LNP1: variants seen among roughly 807,000 people sequenced by gnomAD.
The protein encoded by LNP1 is leukemia NUP98 fusion partner 1.
LNP1 carries 12 observed loss-of-function variants against 14.5 expected under a neutral mutation model. The observed-to-expected ratio is 0.83, with a 90% CI of 0.53 to 1.34. LNP1 has a LOEUF of 1.34. Among genes scored for constraint, LNP1 ranks in the 40% most tolerant of loss-of-function variants. The pLI is 0.00. For missense variants in LNP1, 198 were observed against 210.9 expected, an observed-to-expected ratio of 0.94 and a Z score of 0.38; for synonymous variants, 75 against 71.4, an observed-to-expected ratio of 1.05 and a Z score of -0.26.
At chr3:100,451,658 C>CCTCT in intron 2 of LNP1, 61 bp from the exon 3 acceptor site, 1 of 537,370 alleles carries the variant, frequency 1.9e-6, no homozygotes, top group East Asian at 6.2e-5. Context: ...AAACATTCTG[C>CCTCT]CTCTGTGCTA....
chr3:100,426,460 T>C (rs186092201), intron 1 of LNP1, among the ~76,000 whole-genome samples: 41 of 152,294 alleles, frequency 2.7e-4, no homozygotes, highest in Non-Finnish European at 5.3e-4. Context: ...ACGGCTTTGT[T>C]CCAAGTCCAA....
chr3:100,415,769 C>G (rs1012575930), intron 1 of LNP1, among the ~76,000 whole-genome samples: 1 of 152,032 alleles, frequency 6.6e-6, no homozygotes, highest in Admixed American at 6.6e-5. Context: ...AAGATAACAC[C>G]CTTGATGTTA....
intron 2 of LNP1, among the ~76,000 whole-genome samples, chr3:100,443,547 T>A (rs142737838): frequency 6.6e-5 from 10 of 152,332 alleles, no homozygotes; most frequent in African/African-American, 2.2e-4. Flanking sequence ...CCTCTCCTCT[T>A]GAGGTTCTAA....
intron 2 of LNP1, among the ~76,000 whole-genome samples, chr3:100,439,119 C>G (rs1043678272): frequency 6.6e-6 from 1 of 152,050 alleles, no homozygotes; most frequent in Non-Finnish European, 1.5e-5. Context: ...ACACACTTTA[C>G]GTTGTGATCA....
At chr3:100,438,971 A>T (rs1465664859) in intron 2 of LNP1, among the ~76,000 whole-genome samples, 1 of 151,784 alleles carries the variant, frequency 6.6e-6, no homozygotes, top group Non-Finnish European at 1.5e-5. Context: ...GAGCTCGCAT[A>T]GCAAGTAAAC....
chr3:100,417,784 G>A (rs1254274425), intron 1 of LNP1, among the ~76,000 whole-genome samples: 2 of 151,440 alleles, frequency 1.3e-5, no homozygotes, highest in East Asian at 1.9e-4. Context: ...TTTCTTTTTC[G>A]GGGAGTTCAT....
intron 1 of LNP1, among the ~76,000 whole-genome samples, chr3:100,404,559 T>C (rs1706945265): frequency 6.6e-6 from 1 of 152,224 alleles, no homozygotes; most frequent in African/African-American, 2.4e-5. Flanking sequence ...TATTAGAATA[T>C]GTCTTCTTCT....
chr3:100,455,954 A>C lies in LNP1; in HGVS notation c.*28A>C, dbSNP rs777573745. 6.3e-7 allele frequency: 1 copy of C among 1,585,202 alleles called. No individual in the cohort carries two copies. Among genetic ancestry groups the C allele is most frequent in the South Asian group, 1.2e-5 (1 of 86,330 alleles). On this transcript the variant is annotated 3_prime_UTR_variant, in exon 4 of 4. Coordinates refer to ENST00000383693, the MANE Select transcript of LNP1 (RefSeq NM_001085451.2). ...CTCTGCTTCTGCCTCATGACATCAG[A>C]TGCTACTGTTTTGGTTTTTTTCTTT...
chr3:100,427,300 G>T (rs183857440), intron 1 of LNP1, among the ~76,000 whole-genome samples: 95 of 152,200 alleles, frequency 6.2e-4, no homozygotes, highest in Admixed American at 6.1e-3. Flanking sequence ...TCATCTAGAG[G>T]AGAGAACAAA....
chr3:100,426,449 A>T (rs1047272382), intron 1 of LNP1, among the ~76,000 whole-genome samples: 1 of 152,238 alleles, frequency 6.6e-6, no homozygotes. Context: ...TACAGGGCCA[A>T]ACGGCTTTGT....
chr3:100,455,674 T>G, intron 3 of LNP1, 103 bp from the exon 4 acceptor site: 1 of 1,109,078 alleles, frequency 9.0e-7, no homozygotes, highest in East Asian at 2.4e-5. Context: ...GGTGGAAGTC[T>G]GCTAAACCAT....
chr3:100,422,182 CTTTTTTT>C (rs35862297), intron 1 of LNP1, among the ~76,000 whole-genome samples: 1 of 101,614 alleles, frequency 9.8e-6, no homozygotes, highest in Non-Finnish European at 1.9e-5. Context: ...TTGATAAAGT[CTTTTTTT>C]TTTTTTTTTT....
At chr3:100,448,291 AACAAAG>A (rs1707407383) in intron 2 of LNP1, among the ~76,000 whole-genome samples, 1 of 152,202 alleles carries the variant, frequency 6.6e-6, no homozygotes, top group Non-Finnish European at 1.5e-5. Flanking sequence ...TTTACTTTGA[AACAAAG>A]ACAATAACAG....
chr3:100,411,780 A>G (rs1707033987), intron 1 of LNP1, among the ~76,000 whole-genome samples: 2 of 152,006 alleles, frequency 1.3e-5, no homozygotes, highest in African/African-American at 4.8e-5. Context: ...CCAAGGCCCC[A>G]CCCTCATAAT....
At chr3:100,434,093 G>C (rs940709845) in intron 2 of LNP1, among the ~76,000 whole-genome samples, 2 of 152,036 alleles carry the variant, frequency 1.3e-5, no homozygotes, top group Admixed American at 6.6e-5. Context: ...GTCAATTTTG[G>C]CTTCTGTTGC....
In LNP1 at chr3:100,451,916, A is replaced by G. The variant is rs1359109475; in HGVS notation, c.354A>G (p.Gln118=). 2 of 1,613,934 alleles carry G rather than the reference A, an allele frequency of 1.2e-6. No individual in the cohort carries two copies. Among genetic ancestry groups the G allele is most frequent in the Admixed American group, 1.7e-5 (1 of 60,012 alleles). Residue 118 remains glutamine (Q), a synonymous_variant, in exon 3 of 4, where the codon CAA becomes CAG. Transcript: ENST00000383693. The part of the protein sequence containing the change: ...IEKFSESFER[Q]LCFRTKRSAS... Reference sequence around the variant, plus strand: ...AATTTTCAGAGTCCTTTGAACGGCAACTGTGCTTTAGAACCAAGCGTTCTG... The same window carrying G: ...AATTTTCAGAGTCCTTTGAACGGCAGCTGTGCTTTAGAACCAAGCGTTCTG...
intron 1 of LNP1, among the ~76,000 whole-genome samples, chr3:100,422,385 G>C (rs973354991): frequency 6.6e-6 from 1 of 151,912 alleles, no homozygotes; most frequent in African/African-American, 2.4e-5. Context: ...GGGTTTCACT[G>C]TGTTAGCCAG....
At chr3:100,409,606 A>ATATATAT (rs1429906485) in intron 1 of LNP1, among the ~76,000 whole-genome samples, 29 of 124,430 alleles carry the variant, frequency 2.3e-4, no homozygotes, top group African/African-American at 9.3e-4. Context: ...ATATATATAT[A>ATATATAT]TTTTTTTTTT....
chr3:100,408,417 G>A (rs1123578), intron 1 of LNP1, among the ~76,000 whole-genome samples: 22,671 of 152,082 alleles, frequency 0.15, 3,089 homozygotes, highest in East Asian at 0.49. Context: ...GAATCCTGTG[G>A]CTGCTGAGGC....
Sources: allele counts gnomAD v4.1 joint callset (sites outside exome capture counted in the v4.1 genomes callset), GRCh38; gene constraint gnomAD v4.1.1; transcripts MANE v1.5; gene names NCBI Gene and HGNC (gene_info 2026-07-23, HGNC 2026-07-21).